Variants in ARHGEF28 observed in about 807,000 individuals in gnomAD.
ARHGEF28 encodes the protein 190 kDa guanine nucleotide exchange factor.
In ARHGEF28, 152 loss-of-function variants were observed where a neutral mutation model predicts 206.6. The ratio of observed to expected loss-of-function variants is 0.74; its 90% CI spans 0.64 to 0.84. The LOEUF is 0.84. Ranked by LOEUF, ARHGEF28 falls within the 40% of genes least tolerant of loss-of-function variation. The pLI, the probability that ARHGEF28 is intolerant of heterozygous loss-of-function variation, is 0.00. For missense variants in ARHGEF28, 2,028 were observed against 2,073.2 expected (o/e 0.98, Z 0.42); for synonymous variants, 763 against 776.4 (o/e 0.98, Z 0.29).
chr5:73,829,524 C>T (rs954687404), intron 9 of ARHGEF28, among the ~76,000 whole-genome samples: 2 of 152,090 alleles, frequency 1.3e-5, no homozygotes, highest in African/African-American at 2.4e-5. Context: ...GGACTACAGG[C>T]GTGTGCCACC....
At chr5:73,721,262 G>A (rs1250304478) in intron 2 of ARHGEF28, among the ~76,000 whole-genome samples, 2 of 152,202 alleles carry the variant, frequency 1.3e-5, no homozygotes, top group Non-Finnish European at 2.9e-5. Context: ...GGACTCTGTA[G>A]TATGAATTTC....
chr5:73,795,459 G>C (rs553542915), intron 9 of ARHGEF28, 68 bp downstream of exon 9: 1 of 1,350,324 alleles, frequency 7.4e-7, no homozygotes, highest in African/African-American at 1.5e-5. Flanking sequence ...TGGACAAGAA[G>C]CAAGTAAATT....
chr5:73,758,662 T>C (rs1752439737), intron 4 of ARHGEF28, among the ~76,000 whole-genome samples: 2 of 152,170 alleles, frequency 1.3e-5, no homozygotes, highest in South Asian at 4.1e-4. Context: ...TTCAAATGAT[T>C]CTCCTGCCTC....
intron 14 of ARHGEF28, among the ~76,000 whole-genome samples, chr5:73,856,914 A>C (rs1174836389): frequency 1.3e-5 from 2 of 152,204 alleles, no homozygotes; most frequent in Admixed American, 1.3e-4. Context: ...AGATTATCAG[A>C]GGAAGCTCTA....
chr5:73,939,891 T>A (rs931713269), intron 35 of ARHGEF28, among the ~76,000 whole-genome samples: 2 of 152,056 alleles, frequency 1.3e-5, no homozygotes, highest in Non-Finnish European at 2.9e-5. Context: ...GTTCTTTAAA[T>A]TTTTTTTTAA....
At chr5:73,807,834 A>G (rs1755602409) in intron 9 of ARHGEF28, among the ~76,000 whole-genome samples, 2 of 151,786 alleles carry the variant, frequency 1.3e-5, no homozygotes, top group South Asian at 2.1e-4. Context: ...GAAATCTATC[A>G]TTAATATTTT....
chr5:73,879,425 C>T (rs913570429), intron 22 of ARHGEF28, among the ~76,000 whole-genome samples: 3 of 152,202 alleles, frequency 2.0e-5, no homozygotes, highest in East Asian at 1.9e-4. Flanking sequence ...TCTCTCAACT[C>T]GTCAAAGTCA....
chr5:73,674,337 A>C (rs1320154377), intron 1 of ARHGEF28, among the ~76,000 whole-genome samples: 1 of 152,240 alleles, frequency 6.6e-6, no homozygotes, highest in East Asian at 1.9e-4. Flanking sequence ...CTGAGGCTAC[A>C]GAGAACATGG....
At chr5:73,921,337 G>A (rs1184538113) in intron 35 of ARHGEF28, among the ~76,000 whole-genome samples, 1 of 152,188 alleles carries the variant, frequency 6.6e-6, no homozygotes, top group African/African-American at 2.4e-5. Context: ...AGGAAGAGTT[G>A]TTCTGCTCAG....
chr5:73,806,893 C>T (rs957672444), intron 9 of ARHGEF28, among the ~76,000 whole-genome samples: 19 of 144,902 alleles, frequency 1.3e-4, no homozygotes, highest in Middle Eastern at 3.9e-3. Flanking sequence ...TATATATATA[C>T]AATCTAAATA....
At chr5:73,847,054 A>T (rs950172701) in intron 12 of ARHGEF28, among the ~76,000 whole-genome samples, 3 of 152,062 alleles carry the variant, frequency 2.0e-5, no homozygotes, top group African/African-American at 4.8e-5. Flanking sequence ...TTATTTATTT[A>T]TTAAAAAACT....
chr5:73,895,679 G>A (rs927362833), intron 29 of ARHGEF28, among the ~76,000 whole-genome samples: 6 of 152,136 alleles, frequency 3.9e-5, no homozygotes, highest in African/African-American at 1.2e-4. Context: ...ACCTGCTTTC[G>A]TAAGTTTAGT....
chr5:73,627,270 T>C (rs1395995345), intron 1 of ARHGEF28: 2 of 152,194 alleles, frequency 1.3e-5, no homozygotes, highest in African/African-American at 2.4e-5. Context: ...ACCACACCAA[T>C]TGGGCAAAAT....
At chr5:73,642,472 C>A (rs964178256) in intron 1 of ARHGEF28, among the ~76,000 whole-genome samples, 1 of 152,134 alleles carries the variant, frequency 6.6e-6, no homozygotes, top group Non-Finnish European at 1.5e-5. Context: ...GAATTCTGAC[C>A]TCTCGATACC....
rs567656837 is a variant in ARHGEF28, at chr5:73,914,787, G to GTT, written c.4948+3213_4948+3214insTT. On this transcript the variant is annotated intron_variant, in intron 35 of 35. Transcript: ENST00000513042. ...GTCGCCCAGGTTGGAGTTCAGTGGC[G>GTT]TGATTTTCAATCACTGCAACCTCCA... is the stretch of plus-strand genomic sequence containing the variant. Among the ~76,000 whole-genome samples the GTT allele has an allele frequency of 5.3e-5, 8 of 151,922 alleles. No individual in the cohort carries two copies. In the South Asian group the frequency reaches 1.2e-3, roughly 24 times the overall value.
chr5:73,650,878 G>A (rs539755603), intron 1 of ARHGEF28, among the ~76,000 whole-genome samples: 1 of 152,040 alleles, frequency 6.6e-6, no homozygotes, highest in African/African-American at 2.4e-5. Flanking sequence ...TGAACTCCTG[G>A]CCTCAAGTGA....
intron 35 of ARHGEF28, among the ~76,000 whole-genome samples, chr5:73,918,682 C>G (rs1763352550): frequency 6.6e-6 from 1 of 152,100 alleles, no homozygotes; most frequent in Non-Finnish European, 1.5e-5. Context: ...AGAAACCCTT[C>G]TCCCCAACTC....
chr5:73,678,156 A>G (rs1390221773), intron 1 of ARHGEF28, among the ~76,000 whole-genome samples: 1 of 152,228 alleles, frequency 6.6e-6, no homozygotes, highest in Non-Finnish European at 1.5e-5. Flanking sequence ...ATTTTAAAAT[A>G]TATTTCAGTT....
chr5:73,891,917 T>C (rs1312522252), intron 26 of ARHGEF28, 135 bp from the exon 27 acceptor site: 3 of 764,962 alleles, frequency 3.9e-6, no homozygotes, highest in Non-Finnish European at 6.1e-6. Context: ...TTGTATCAAC[T>C]TCTACAGCTC....
Sources: allele counts gnomAD v4.1 joint callset (sites outside exome capture counted in the v4.1 genomes callset), GRCh38; gene constraint gnomAD v4.1.1; transcripts MANE v1.5; gene names NCBI Gene and HGNC (gene_info 2026-07-23, HGNC 2026-07-21).